GUCA1C: variants seen among roughly 807,000 people sequenced by gnomAD.
The protein encoded by GUCA1C is guanylate cyclase activator 1C.
Under a neutral mutation model 16.2 loss-of-function variants are expected in GUCA1C, and 15 were observed. That is an observed-to-expected ratio of 0.93 (90% CI 0.62 to 1.43). The LOEUF (loss-of-function observed/expected upper bound fraction) is 1.43, where lower values mean the gene tolerates loss of function less well. Among genes scored for constraint, GUCA1C ranks in the 40% most tolerant of loss-of-function variants. The pLI is 0.00. For synonymous variants in GUCA1C, 78 were observed against 85.4 expected, an observed-to-expected ratio of 0.91 and a Z score of 0.48; for missense variants, 275 against 244.8, an observed-to-expected ratio of 1.12 and a Z score of -0.82.
chr3:108,953,173 G>T (rs1016278116), intron 1 of GUCA1C, among the ~76,000 whole-genome samples: 2 of 152,164 alleles, frequency 1.3e-5, no homozygotes, highest in African/African-American at 4.8e-5. Context: ...TTTAAAAGCA[G>T]AGTCCTGTAA....
At chr3:108,917,182 A>G (rs2107280188) in intron 2 of GUCA1C, among the ~76,000 whole-genome samples, 1 of 152,366 alleles carries the variant, frequency 6.6e-6, no homozygotes, top group East Asian at 1.9e-4. Context: ...CATTTGAAGA[A>G]AATTTTAAGG....
intron 1 of GUCA1C, among the ~76,000 whole-genome samples, chr3:108,931,526 G>T (rs1946665347): frequency 6.6e-6 from 1 of 152,168 alleles, no homozygotes; most frequent in Non-Finnish European, 1.5e-5. Flanking sequence ...ATGCACCCAG[G>T]CAAGTTAATC....
intron 1 of GUCA1C, among the ~76,000 whole-genome samples, chr3:108,948,101 A>T (rs1946860623): frequency 6.6e-6 from 1 of 151,950 alleles, no homozygotes; most frequent in South Asian, 2.1e-4. Flanking sequence ...CCTATGTTGG[A>T]TTCCTCTTTC....
At chr3:108,953,939 C>T (rs1036548191), upstream of GUCA1C, 2 of 586,828 alleles carry the variant, frequency 3.4e-6, no homozygotes, top group Admixed American at 3.0e-5. Flanking sequence ...AACTTATCTG[C>T]CCAGTTTTAA....
chr3:108,920,861 G>C (rs2593932), intron 1 of GUCA1C, among the ~76,000 whole-genome samples: 42,550 of 151,986 alleles, frequency 0.28, 6,584 homozygotes, highest in Middle Eastern at 0.37. Flanking sequence ...GAGGTTTCCT[G>C]TATACTCCCC....
At position 108,952,154 on chromosome 3, in the gene GUCA1C, G is replaced by A. The variant is rs151129658; in HGVS notation, c.204+1405C>T. Among the ~76,000 whole-genome samples the A allele has an allele frequency of 1.5e-3, 223 of 152,320 alleles. 2 individuals are homozygous for A. The highest frequency in any genetic ancestry group is 5.0e-3 in the African/African-American group (209 of 41,588). ...TCCTGATATTGGGCTGCTTATAGCA[G>A]CCATACAAAGAGTGAAGCACAGAGA... On this transcript the variant is annotated intron_variant, in intron 1 of 3. Coordinates refer to ENST00000261047, the MANE Select transcript of GUCA1C (RefSeq NM_005459.4).
chr3:108,950,985 A>G (rs1311339621), intron 1 of GUCA1C, among the ~76,000 whole-genome samples: 2 of 152,208 alleles, frequency 1.3e-5, no homozygotes, highest in African/African-American at 4.8e-5. Flanking sequence ...GTGCTTTACC[A>G]GCACTTTGAG....
chr3:108,922,023 G>T (rs558423545), intron 1 of GUCA1C, among the ~76,000 whole-genome samples: 15 of 152,174 alleles, frequency 9.9e-5, no homozygotes, highest in African/African-American at 3.1e-4. Flanking sequence ...AACAGACATT[G>T]TTTGGTTTTT....
At chr3:108,932,329 AAAAAAAAAAAC>A (rs1946676905) in intron 1 of GUCA1C, among the ~76,000 whole-genome samples, 1 of 116,884 alleles carries the variant, frequency 8.6e-6, no homozygotes, top group African/African-American at 3.9e-5. Flanking sequence ...CCACCAAAAA[AAAAAAAAAAAC>A]AAAAAAAAAA....
upstream of GUCA1C, among the ~76,000 whole-genome samples, chr3:108,954,285 A>T (rs1310044738): frequency 6.6e-6 from 1 of 152,220 alleles, no homozygotes; most frequent in Non-Finnish European, 1.5e-5. Context: ...AACATTTTAC[A>T]TGAAAAAATC....
At position 108,927,984 on chromosome 3, in the gene GUCA1C, C is replaced by T. The variant is rs114428062; in HGVS notation, c.205-7399G>A. The stretch of plus-strand genomic sequence containing the variant: ...CCAAACTGTAGTAATTATTTTTGCT[C>T]TTCTGGGTCTAGTCACCTAGCGGAG... On this transcript the variant is annotated intron_variant, in intron 1 of 3. Transcript: ENST00000261047. Among the ~76,000 whole-genome samples, 423 of 152,320 alleles carry T rather than the reference C, an allele frequency of 2.8e-3. 5 individuals carry two copies. The highest frequency in any genetic ancestry group is 0.01 in the Middle Eastern group (3 of 294).
intron 3 of GUCA1C, among the ~76,000 whole-genome samples, chr3:108,913,935 G>T (rs1207277091): frequency 6.6e-6 from 1 of 151,998 alleles, no homozygotes; most frequent in Non-Finnish European, 1.5e-5. Context: ...GCATGGTGGG[G>T]GGAGCCTGTA....
intron 3 of GUCA1C, among the ~76,000 whole-genome samples, chr3:108,908,529 T>C (rs558942913): frequency 6.6e-6 from 1 of 152,326 alleles, no homozygotes; most frequent in South Asian, 2.1e-4. Flanking sequence ...CTTGAAGATA[T>C]GACCAAGTCT....
At chr3:108,924,918 A>T (rs1946608150) in intron 1 of GUCA1C, among the ~76,000 whole-genome samples, 1 of 152,130 alleles carries the variant, frequency 6.6e-6, no homozygotes, top group African/African-American at 2.4e-5. Context: ...TATGCACAAA[A>T]AGGTGTTCAT....
intron 2 of GUCA1C, among the ~76,000 whole-genome samples, chr3:108,919,070 C>T (rs1220682842): frequency 2.6e-5 from 4 of 152,144 alleles, no homozygotes; most frequent in Admixed American, 2.6e-4. Flanking sequence ...CACTTACACC[C>T]TCTCCACAGT....
chr3:108,915,992 T>C (rs1335314680), intron 3 of GUCA1C, 135 bp downstream of exon 3: 1 of 890,816 alleles, frequency 1.1e-6, no homozygotes, highest in East Asian at 2.6e-5. Flanking sequence ...GAACATTGGA[T>C]TGGTCCCATT....
chr3:108,920,095 T>C (rs556592500), intron 2 of GUCA1C, among the ~76,000 whole-genome samples: 115 of 152,292 alleles, frequency 7.6e-4, no homozygotes, highest in Admixed American at 2.2e-3. Context: ...GTTAAATATA[T>C]ATAAACCATC....
chr3:108,918,361 C>G (rs905252028), intron 2 of GUCA1C, among the ~76,000 whole-genome samples: 1 of 152,190 alleles, frequency 6.6e-6, no homozygotes, highest in Admixed American at 6.5e-5. Flanking sequence ...TGTTCCATGC[C>G]TGATCTATGG....
chr3:108,946,990 G>A (rs573756210), intron 1 of GUCA1C, among the ~76,000 whole-genome samples: 2 of 151,624 alleles, frequency 1.3e-5, no homozygotes, highest in African/African-American at 4.8e-5. Flanking sequence ...ATAATAATGT[G>A]TATTTCAAAA....
Sources: gnomAD v4.1 joint callset for allele counts (sites outside exome capture counted in the v4.1 genomes callset) on GRCh38, gnomAD v4.1.1 for gene constraint, MANE v1.5 for transcripts, NCBI Gene and HGNC (gene_info 2026-07-23, HGNC 2026-07-21) for gene names.